Variants in ATRNL1 observed in about 807,000 individuals in gnomAD.
The protein encoded by ATRNL1 is attractin-like protein 1.
ATRNL1 carries 95 observed loss-of-function variants against 182.7 expected under a neutral mutation model. The observed-to-expected ratio is 0.52, with a 90% CI of 0.44 to 0.62. The LOEUF is 0.62. Among genes scored for constraint, ATRNL1 ranks in the 20% least tolerant of loss-of-function variants. The pLI, the probability that ATRNL1 is intolerant of heterozygous loss-of-function variation, is 0.00. For missense variants in ATRNL1, 1,471 were observed against 1,679.5 expected (o/e 0.88, Z 2.17); for synonymous variants, 576 against 568.3 (o/e 1.01, Z -0.19).
At chr10:115,474,676 A>G (rs1554972749) in intron 24 of ATRNL1, among the ~76,000 whole-genome samples, 1 of 151,388 alleles carries the variant, frequency 6.6e-6, no homozygotes, top group African/African-American at 2.4e-5. Context: ...ATACATTTTT[A>G]AAGCATCCAC....
chr10:115,657,080 A>C (rs762868563), intron 26 of ATRNL1, among the ~76,000 whole-genome samples: 2 of 152,190 alleles, frequency 1.3e-5, no homozygotes, highest in Non-Finnish European at 2.9e-5. Flanking sequence ...CATTTCACTG[A>C]AACTCAGTTT....
chr10:115,869,490 G>C (rs1226606954), intron 28 of ATRNL1, among the ~76,000 whole-genome samples: 3 of 152,094 alleles, frequency 2.0e-5, no homozygotes, highest in Non-Finnish European at 2.9e-5. Context: ...AGGGGAGGTG[G>C]AAGAGGGGCC....
At position 115,586,730 on chromosome 10, in the gene ATRNL1, G is replaced by A. The variant is rs1456373729; in HGVS notation, c.3795+37194G>A. 7.0e-3 allele frequency among the ~76,000 whole-genome samples: 820 copies of A among 117,208 alleles called. 5 individuals carry two copies. Among genetic ancestry groups the A allele is most frequent in the Middle Eastern group, 0.015 (4 of 260 alleles). 76.9% of individuals were successfully genotyped at this position (117,208 alleles called of 152,430 possible). Reference sequence around the variant, plus strand: ...TCCCATATCTCAGAGTAATTTGATCGTCTGAAGCCTTCTTCTCTCAGCTCG... The same window carrying A: ...TCCCATATCTCAGAGTAATTTGATCATCTGAAGCCTTCTTCTCTCAGCTCG... On this transcript the variant is annotated intron_variant, in intron 26 of 28. Coordinates refer to ENST00000355044, the MANE Select transcript of ATRNL1 (RefSeq NM_207303.4).
intron 26 of ATRNL1, among the ~76,000 whole-genome samples, chr10:115,672,113 C>T (rs930521282): frequency 2.0e-5 from 3 of 151,978 alleles, no homozygotes; most frequent in Admixed American, 6.6e-5. Context: ...ACACATTGTA[C>T]TTTTAATGAT....
intron 27 of ATRNL1, among the ~76,000 whole-genome samples, chr10:115,833,086 T>A (rs570308239): frequency 6.6e-6 from 1 of 152,308 alleles, no homozygotes; most frequent in African/African-American, 2.4e-5. Context: ...GGTGTTCATT[T>A]GTAATAAGCA....
At chr10:115,282,262 A>T (rs765393742) in intron 14 of ATRNL1, among the ~76,000 whole-genome samples, 28 of 148,054 alleles carry the variant, frequency 1.9e-4, no homozygotes, top group South Asian at 6.3e-4. Flanking sequence ...TTTTTTTAAA[A>T]TTATTATTAT....
chr10:115,871,503 A>ATATATATATATATATATATATAT (rs1951585991), intron 28 of ATRNL1, among the ~76,000 whole-genome samples: 1 of 147,090 alleles, frequency 6.8e-6, no homozygotes, highest in African/African-American at 2.5e-5. Flanking sequence ...ATATATATAT[A>ATATATATATATATATATATATAT]TGACTTTTGA....
intron 19 of ATRNL1, among the ~76,000 whole-genome samples, chr10:115,361,511 T>C (rs547569286): frequency 6.6e-6 from 1 of 152,180 alleles, no homozygotes; most frequent in East Asian, 1.9e-4. Flanking sequence ...TGTACAGAAA[T>C]GCTTACATAG....
chr10:115,280,358 G>A (rs1277731582), intron 13 of ATRNL1, among the ~76,000 whole-genome samples: 1 of 152,136 alleles, frequency 6.6e-6, no homozygotes, highest in African/African-American at 2.4e-5. Context: ...ATCATAATAA[G>A]CATGTTATCT....
intron 28 of ATRNL1, among the ~76,000 whole-genome samples, chr10:115,852,603 TAGTG>T (rs1951081848): frequency 6.6e-6 from 1 of 152,152 alleles, no homozygotes; most frequent in Admixed American, 6.5e-5. Context: ...TAAATGCAGC[TAGTG>T]AGTGAGTGAG....
chr10:115,939,667 G>A lies in ATRNL1; in HGVS notation c.4019-4991G>A, dbSNP rs147711991. 1.7e-4 allele frequency among the ~76,000 whole-genome samples: 26 copies of A among 152,294 alleles called. No homozygotes were observed. The East Asian group carries it at 4.4e-3, about 26-fold the overall frequency. On this transcript the variant is annotated intron_variant, in intron 28 of 28. Coordinates refer to ENST00000355044, the MANE Select transcript of ATRNL1 (RefSeq NM_207303.4). ...ATAACAAGGAACTATGCTAGGCCTAGAGAACACAATAAGTGAATTTCATCA... is the reference window on the plus strand; with the variant it reads ...ATAACAAGGAACTATGCTAGGCCTAAAGAACACAATAAGTGAATTTCATCA...
intron 26 of ATRNL1, among the ~76,000 whole-genome samples, chr10:115,698,564 G>T (rs1245021602): frequency 6.6e-6 from 1 of 152,112 alleles, no homozygotes; most frequent in Non-Finnish European, 1.5e-5. Flanking sequence ...CAGATCACGA[G>T]GTCAAGAGAT....
intron 27 of ATRNL1, among the ~76,000 whole-genome samples, chr10:115,729,800 G>T (rs1456230826): frequency 6.6e-6 from 1 of 151,722 alleles, no homozygotes; most frequent in Non-Finnish European, 1.5e-5. Context: ...AATACCACCT[G>T]GAATTTTTAT....
At chr10:115,587,368 C>T (rs1215864351) in intron 26 of ATRNL1, among the ~76,000 whole-genome samples, 27 of 151,910 alleles carry the variant, frequency 1.8e-4, no homozygotes, top group Admixed American at 9.8e-4. Context: ...CTCGCTGCCG[C>T]CTTGCAGTTT....
chr10:115,764,548 T>A (rs12360079), intron 27 of ATRNL1, among the ~76,000 whole-genome samples: 101,348 of 152,068 alleles, frequency 0.67, 37,224 homozygotes, highest in East Asian at 0.96. Flanking sequence ...TTTTCCAGAA[T>A]GTAATATAGT....
chr10:115,499,674 A>C (rs1435525176), intron 24 of ATRNL1, among the ~76,000 whole-genome samples: 1 of 152,226 alleles, frequency 6.6e-6, no homozygotes, highest in Non-Finnish European at 1.5e-5. Context: ...GTTCTAGGTT[A>C]TAGGCAGATA....
chr10:115,297,630 G>A (rs1554923095), intron 15 of ATRNL1, among the ~76,000 whole-genome samples: 2 of 142,582 alleles, frequency 1.4e-5, no homozygotes, highest in African/African-American at 2.6e-5. Flanking sequence ...CAGTCTGGGC[G>A]ACAGAGTAAG....
intron 21 of ATRNL1, among the ~76,000 whole-genome samples, chr10:115,433,770 G>A (rs1213814435): frequency 1.3e-5 from 2 of 152,054 alleles, no homozygotes; most frequent in Non-Finnish European, 2.9e-5. Flanking sequence ...GTAGAAGAAG[G>A]ATGAAAATTT....
chr10:115,599,797 A>G (rs35875963), intron 26 of ATRNL1, among the ~76,000 whole-genome samples: 74,998 of 151,942 alleles, frequency 0.49, 19,433 homozygotes, highest in African/African-American at 0.6. Context: ...TCACTCTATA[A>G]CAATGTGCTA....
Sources: gnomAD v4.1 joint callset for allele counts (sites outside exome capture counted in the v4.1 genomes callset) on GRCh38, gnomAD v4.1.1 for gene constraint, MANE v1.5 for transcripts, NCBI Gene and HGNC (gene_info 2026-07-23, HGNC 2026-07-21) for gene names.